JHY: variants seen among roughly 807,000 people sequenced by gnomAD.
JHY encodes the protein junctional cadherin complex regulator.
A neutral mutation model predicts 78.0 loss-of-function variants in JHY; 69 were observed. That is an observed-to-expected ratio of 0.88 (90% CI 0.73 to 1.08). The LOEUF is 1.08. Ranked by LOEUF, JHY falls within the 50% of genes least tolerant of loss-of-function variation. The pLI is 0.00. For synonymous variants in JHY, 368 were observed against 342.6 expected, an observed-to-expected ratio of 1.07 and a Z score of -0.82; for missense variants, 944 against 927.8, an observed-to-expected ratio of 1.02 and a Z score of -0.23.
At chr11:122,914,370 G>A (rs1383314088) in intron 3 of JHY, among the ~76,000 whole-genome samples, 1 of 151,950 alleles carries the variant, frequency 6.6e-6, no homozygotes, top group African/African-American at 2.4e-5. Context: ...ATTATATTTG[G>A]TTAGAAACAT....
chr11:122,957,208 C>G (rs1374822778), intron 7 of JHY, among the ~76,000 whole-genome samples, 155 bp from the exon 8 acceptor site: 1 of 152,128 alleles, frequency 6.6e-6, no homozygotes, highest in Non-Finnish European at 1.5e-5. Context: ...TTAACTTAAC[C>G]ATTTCACTGC....
chr11:122,934,317 T>C (rs1863698700), intron 4 of JHY, 103 bp from the exon 5 acceptor site: 1 of 305,546 alleles, frequency 3.3e-6, no homozygotes, highest in East Asian at 9.9e-5. Context: ...CCGTCTCAAA[T>C]AAATAAATAA....
chr11:122,904,069 C>G lies in JHY; in HGVS notation c.489C>G (p.Leu163=), dbSNP rs1465865829. ...TAGAAAATCTGCCTTTGGCTCCCCT[C>G]TACCCTTCCCAGGAGACGTCAATGG... The part of the protein sequence containing the change: ...SSLENLPLAP[L]YPSQETSMEL... The change falls in exon 3 of 9, where the codon CTC becomes CTG. Residue 163 remains leucine, a synonymous_variant. Coordinates refer to ENST00000227349, the MANE Select transcript of JHY (RefSeq NM_024806.4). 1 of 1,614,064 alleles carries G rather than the reference C, an allele frequency of 6.2e-7. No homozygotes were observed. The highest frequency in any genetic ancestry group is 2.2e-5 in the East Asian group (1 of 44,898).
At chr11:122,905,199 C>T (rs376019049) in intron 3 of JHY, 41 of 1,614,042 alleles carry the variant, frequency 2.5e-5, no homozygotes, top group Middle Eastern at 1.7e-4. Flanking sequence ...TTCTCTCCCA[C>T]GTGATGGATT....
chr11:122,909,648 G>A (rs1470551943), intron 3 of JHY, among the ~76,000 whole-genome samples: 1 of 152,132 alleles, frequency 6.6e-6, no homozygotes, highest in Admixed American at 6.6e-5. Flanking sequence ...GCATGGTGGT[G>A]TGTGCCTGTA....
rs748612127 is a variant in JHY at position 122,946,619 on chromosome 11, G to T, written c.1756G>T (p.Gly586Trp). ...VQLTDVQPSEGALSSVTLPPI... is the reference protein window; with the variant it reads ...VQLTDVQPSEWALSSVTLPPI... ...GCTGACCGACGTGCAGCCCAGTGAA[G>T]GGGCCTTATCCAGCGTCACGCTTCC... Residue 586 changes from glycine (G) to tryptophan (W), a missense_variant, in exon 6 of 9, where the codon GGG becomes TGG. Gly to Trp is a radical substitution (Grantham distance 184). Transcript: ENST00000227349. The T allele has an allele frequency of 6.2e-7, 1 of 1,614,144 alleles. No individual in the cohort carries two copies. Among genetic ancestry groups the T allele is most frequent in the Admixed American group, 1.7e-5 (1 of 60,018 alleles).
chr11:122,931,206 A>G (rs1454387670), intron 4 of JHY, among the ~76,000 whole-genome samples: 1 of 152,246 alleles, frequency 6.6e-6, no homozygotes, highest in Non-Finnish European at 1.5e-5. Flanking sequence ...GGCAAGAAAC[A>G]TGCCAGTAGA....
chr11:122,909,223 C>T (rs1460735647), intron 3 of JHY, among the ~76,000 whole-genome samples: 1 of 152,130 alleles, frequency 6.6e-6, no homozygotes, highest in African/African-American at 2.4e-5. Context: ...AGTTTAATGA[C>T]CCTGTGGGCA....
At chr11:122,931,554 A>G (rs570170978) in intron 4 of JHY, among the ~76,000 whole-genome samples, 1 of 152,326 alleles carries the variant, frequency 6.6e-6, no homozygotes, top group South Asian at 2.1e-4. Flanking sequence ...ATCAGATGGA[A>G]TTTGTATCTC....
intron 2 of JHY, among the ~76,000 whole-genome samples, chr11:122,902,035 C>T (rs1040358028): frequency 1.3e-5 from 2 of 151,940 alleles, no homozygotes; most frequent in African/African-American, 4.8e-5. Flanking sequence ...GTAACACATA[C>T]GGAGCTGTCA....
At chr11:122,949,313 G>T (rs1284710997) in intron 6 of JHY, among the ~76,000 whole-genome samples, 1 of 152,060 alleles carries the variant, frequency 6.6e-6, no homozygotes, top group African/African-American at 2.4e-5. Context: ...AGGACGGGGG[G>T]ATCATGGAGG....
At chr11:122,957,715 C>G (rs771509656) in intron 8 of JHY, among the ~76,000 whole-genome samples, 1 of 151,392 alleles carries the variant, frequency 6.6e-6, no homozygotes, top group Non-Finnish European at 1.5e-5. Context: ...AAAAAACCTT[C>G]CCATTTTTTT....
intron 3 of JHY, among the ~76,000 whole-genome samples, chr11:122,914,443 T>G (rs1042253098): frequency 2.6e-4 from 39 of 151,648 alleles, no homozygotes; most frequent in Admixed American, 1.1e-3. Context: ...TGTTTTTTTG[T>G]TTTTTTTGTT....
At position 122,936,086 on chromosome 11, in the gene JHY, C is replaced by T. The variant is rs188468064; in HGVS notation, c.1634+1011C>T. On this transcript the variant is annotated intron_variant, in intron 5 of 8. Transcript: ENST00000227349. ...TATTTTCAGAACAGTTCAAGTTCCCCACGATGTAGATGTATAACTTCTATA... is the reference window on the plus strand; with the variant it reads ...TATTTTCAGAACAGTTCAAGTTCCCTACGATGTAGATGTATAACTTCTATA... 1.5e-3 allele frequency among the ~76,000 whole-genome samples: 231 copies of T among 152,190 alleles called. 1 individual carries two copies. The highest frequency in any genetic ancestry group is 5.3e-3 in the African/African-American group (221 of 41,542).
chr11:122,928,980 C>A (rs915112958), intron 4 of JHY, among the ~76,000 whole-genome samples: 1 of 141,680 alleles, frequency 7.1e-6, no homozygotes, highest in Admixed American at 7.0e-5. Context: ...GTTTCACTCT[C>A]GTTACCCAGG....
chr11:122,941,544 C>A (rs1427641452), intron 5 of JHY, among the ~76,000 whole-genome samples: 1 of 152,198 alleles, frequency 6.6e-6, no homozygotes, highest in Non-Finnish European at 1.5e-5. Flanking sequence ...CTTTGCCATT[C>A]TTTTTCCTCC....
intron 6 of JHY, among the ~76,000 whole-genome samples, chr11:122,954,168 ATTG>A (rs1864147277): frequency 6.6e-6 from 1 of 152,180 alleles, no homozygotes; most frequent in South Asian, 2.1e-4. Context: ...CAGAACCAGT[ATTG>A]TTGTGATTCT....
At chr11:122,901,923 A>T (rs968636167) in intron 2 of JHY, among the ~76,000 whole-genome samples, 1 of 151,982 alleles carries the variant, frequency 6.6e-6, no homozygotes, top group African/African-American at 2.4e-5. Context: ...AAAAACTGAG[A>T]CACAAACACA....
At chr11:122,928,664 T>C (rs1475953956) in intron 4 of JHY, among the ~76,000 whole-genome samples, 1 of 152,190 alleles carries the variant, frequency 6.6e-6, no homozygotes, top group Non-Finnish European at 1.5e-5. Flanking sequence ...TGTTGTTGTT[T>C]TTGAGACCGA....
Sources: gnomAD v4.1 joint callset for allele counts (sites outside exome capture counted in the v4.1 genomes callset) on GRCh38, gnomAD v4.1.1 for gene constraint, MANE v1.5 for transcripts, NCBI Gene and HGNC (gene_info 2026-07-23, HGNC 2026-07-21) for gene names.